The following RAB7A variants were observed in gnomAD, a reference collection of about 807,000 sequenced individuals.
The protein encoded by RAB7A is ras-related protein Rab-7a.
RAB7A carries 2 observed loss-of-function variants against 24.5 expected under a neutral mutation model. The ratio of observed to expected loss-of-function variants is 0.08; its 90% CI spans 0.03 to 0.26. The LOEUF is 0.26. RAB7A is among the 10% of genes least tolerant of loss of function. RAB7A has a pLI of 1.00. For synonymous variants in RAB7A, 100 were observed against 95.9 expected (o/e 1.04, Z -0.25); for missense variants, 118 against 255.7 (o/e 0.46, Z 3.67).
At chr3:128,792,038 C>T (rs1933464624) in intron 1 of RAB7A, among the ~76,000 whole-genome samples, 1 of 152,194 alleles carries the variant, frequency 6.6e-6, no homozygotes, top group Non-Finnish European at 1.5e-5. Context: ...CCATAGATTA[C>T]AGCATTTTTT....
chr3:128,811,017 G>A (rs372193765), intron 5 of RAB7A, among the ~76,000 whole-genome samples: 46 of 151,694 alleles, frequency 3.0e-4, no homozygotes, highest in African/African-American at 1.1e-3. Context: ...TTGCACCATT[G>A]CACTCCAGCC....
intron 1 of RAB7A, among the ~76,000 whole-genome samples, chr3:128,731,007 T>A (rs1413655941): frequency 6.6e-6 from 1 of 152,198 alleles, no homozygotes; most frequent in East Asian, 1.9e-4. Flanking sequence ...TGGTCCTTCT[T>A]GTGTGGCTGC....
At chr3:128,755,557 C>CT (rs1232951083) in intron 1 of RAB7A, among the ~76,000 whole-genome samples, 1 of 152,096 alleles carries the variant, frequency 6.6e-6, no homozygotes, top group Non-Finnish European at 1.5e-5. Flanking sequence ...TTGGAAAAGA[C>CT]TAACAAAATT....
rs549943261 is a variant in RAB7A, at chr3:128,793,666, G to A, written c.-8-1694G>A. 5.3e-5 allele frequency among the ~76,000 whole-genome samples: 8 copies of A among 152,330 alleles called. No homozygotes were observed. The South Asian group carries it at 1.7e-3, about 32-fold the overall frequency. On this transcript the variant is annotated intron_variant, in intron 1 of 5. Transcript: ENST00000265062. Reference sequence around the variant, plus strand: ...GTCAAAGCGGTCCCTGGGGAGAAAGGTAGGGGAATAGTGGGGCTCCACATA... The same window carrying A: ...GTCAAAGCGGTCCCTGGGGAGAAAGATAGGGGAATAGTGGGGCTCCACATA...
intron 1 of RAB7A, among the ~76,000 whole-genome samples, chr3:128,753,730 T>C (rs2070707359): frequency 1.3e-5 from 2 of 152,194 alleles, no homozygotes; most frequent in Admixed American, 1.3e-4. Flanking sequence ...CTTGAGTCCT[T>C]ATATAAAGTC....
At chr3:128,769,309 G>A (rs890858338) in intron 1 of RAB7A, among the ~76,000 whole-genome samples, 5 of 152,046 alleles carry the variant, frequency 3.3e-5, no homozygotes, top group African/African-American at 1.2e-4. Flanking sequence ...TGCCAACACA[G>A]CATGGTCATT....
intron 1 of RAB7A, among the ~76,000 whole-genome samples, chr3:128,737,299 A>C (rs1480001922): frequency 6.9e-6 from 1 of 145,646 alleles, no homozygotes; most frequent in African/African-American, 2.6e-5. Context: ...TCAGCCTCCC[A>C]AAGTGCTGAG....
chr3:128,804,301 T>C (rs1050914301), intron 3 of RAB7A, among the ~76,000 whole-genome samples: 1 of 152,216 alleles, frequency 6.6e-6, no homozygotes, highest in Non-Finnish European at 1.5e-5. Context: ...ATACATATCC[T>C]GACATCACCC....
intron 1 of RAB7A, among the ~76,000 whole-genome samples, chr3:128,726,587 C>G (rs907756045): frequency 6.6e-6 from 1 of 152,176 alleles, no homozygotes; most frequent in Non-Finnish European, 1.5e-5. Context: ...TTGCCCGCCC[C>G]GGCCACCCGT....
intron 1 of RAB7A, among the ~76,000 whole-genome samples, chr3:128,782,164 C>A (rs1270880026): frequency 6.6e-6 from 1 of 152,188 alleles, no homozygotes; most frequent in Non-Finnish European, 1.5e-5. Context: ...TGGTTACCTA[C>A]AATAGGGACT....
chr3:128,807,275 G>C (rs1323512069), intron 4 of RAB7A, among the ~76,000 whole-genome samples: 1 of 152,132 alleles, frequency 6.6e-6, no homozygotes, highest in Non-Finnish European at 1.5e-5. Context: ...TTCACAAATG[G>C]CTTTTAAGTA....
At chr3:128,749,061 T>A (rs1234971867) in intron 1 of RAB7A, 1 of 152,216 alleles carries the variant, frequency 6.6e-6, no homozygotes. Flanking sequence ...GAGTCTGCTG[T>A]TTTTATGTTG....
intron 1 of RAB7A, among the ~76,000 whole-genome samples, chr3:128,749,801 T>C (rs916957002): frequency 3.9e-5 from 6 of 152,220 alleles, no homozygotes; most frequent in Admixed American, 6.5e-5. Context: ...CCCAGCCACG[T>C]GGAACTATAA....
At position 128,789,791 on chromosome 3, in the gene RAB7A, C is replaced by CTT. The variant is rs1214389169; in HGVS notation, c.-8-5554_-8-5553dup. ...TGCATTTAGTGTGTTTTGTTCCTGGCTTTTTTTTTTTTTTTTGAGATGGAG... is the reference window on the plus strand; with the variant it reads ...TGCATTTAGTGTGTTTTGTTCCTGGCTTTTTTTTTTTTTTTTTTGAGATGGAG... On this transcript the variant is annotated intron_variant, in intron 1 of 5. Transcript: ENST00000265062. Among the ~76,000 whole-genome samples, 60 of 133,452 alleles carry CTT rather than the reference C, an allele frequency of 4.5e-4. 1 individual carries two copies. Among genetic ancestry groups the CTT allele is most frequent in the African/African-American group, 4.6e-4 (17 of 36,728 alleles). The allele number at this position is 133,452 out of a possible 152,430, so 87.5% of individuals were successfully genotyped here.
chr3:128,763,279 A>G (rs1245360069), intron 1 of RAB7A, among the ~76,000 whole-genome samples: 2 of 133,144 alleles, frequency 1.5e-5, no homozygotes, highest in East Asian at 2.2e-4. Context: ...TAGTGGCGCG[A>G]TCTCAGCTCA....
At chr3:128,771,396 G>A (rs1932933746) in intron 1 of RAB7A, among the ~76,000 whole-genome samples, 2 of 152,210 alleles carry the variant, frequency 1.3e-5, no homozygotes, top group South Asian at 4.1e-4. Context: ...ATAGCACTGT[G>A]AGCTGGAGAA....
At chr3:128,795,660 T>G (rs749232813) in intron 2 of RAB7A, among the ~76,000 whole-genome samples, 16 of 151,906 alleles carry the variant, frequency 1.1e-4, no homozygotes, top group Non-Finnish European at 1.0e-4. Context: ...GGATAGGCAT[T>G]TTCATGGAAT....
intron 1 of RAB7A, among the ~76,000 whole-genome samples, chr3:128,753,535 A>G (rs1266186336): frequency 6.6e-6 from 1 of 152,236 alleles, no homozygotes; most frequent in Non-Finnish European, 1.5e-5. Flanking sequence ...TTGTGCTGCT[A>G]TAACAAAATA....
chr3:128,807,245 C>T (rs1306336702), intron 4 of RAB7A, among the ~76,000 whole-genome samples: 6 of 152,118 alleles, frequency 3.9e-5, no homozygotes, highest in Admixed American at 1.3e-4. Context: ...CATTTCTTCC[C>T]GGACTGGCTT....
Sources: gnomAD v4.1 joint callset for allele counts (sites outside exome capture counted in the v4.1 genomes callset) on GRCh38, gnomAD v4.1.1 for gene constraint, MANE v1.5 for transcripts, NCBI Gene and HGNC (gene_info 2026-07-23, HGNC 2026-07-21) for gene names.